PTPRD: variants seen among roughly 807,000 people sequenced by gnomAD.
The protein encoded by PTPRD is receptor-type tyrosine-protein phosphatase delta.
PTPRD carries 34 observed loss-of-function variants against 214.5 expected under a neutral mutation model. That is an observed-to-expected ratio of 0.16 (90% CI 0.12 to 0.21). The LOEUF is 0.21. Among genes scored for constraint, PTPRD ranks in the 10% least tolerant of loss-of-function variants. The pLI is 1.00. For synonymous variants in PTPRD, 1,128 were observed against 845.7 expected (o/e 1.33, Z -5.79); for missense variants, 2,545 against 2,398.7 (o/e 1.06, Z -1.27).
chr9:9,142,481 C>T (rs1468195285), intron 10 of PTPRD, among the ~76,000 whole-genome samples: 1 of 152,222 alleles, frequency 6.6e-6, no homozygotes, highest in South Asian at 2.1e-4. Context: ...AATTAATTTA[C>T]TCCTTTGGCG....
intron 2 of PTPRD, among the ~76,000 whole-genome samples, chr9:10,363,027 G>C (rs1377905222): frequency 6.6e-6 from 1 of 152,174 alleles, no homozygotes; most frequent in Non-Finnish European, 1.5e-5. Flanking sequence ...GTTTATATCA[G>C]AAATTCAGTG....
rs568209533 is a variant in PTPRD, at chr9:8,425,610, C to T, written c.4086+10982G>A. Among the ~76,000 whole-genome samples the T allele has an allele frequency of 1.1e-4, 17 of 152,264 alleles. No homozygotes were observed. The South Asian group carries it at 3.3e-3, about 30-fold the overall frequency. On this transcript the variant is annotated intron_variant, in intron 35 of 45. Coordinates refer to ENST00000381196, the MANE Select transcript of PTPRD (RefSeq NM_002839.4). ...GTCATGGGTACTCTGGGAAGACTCT[C>T]GTCAATATTGTCCCACTCCCAAGAT... is the stretch of plus-strand genomic sequence containing the variant.
intron 11 of PTPRD, among the ~76,000 whole-genome samples, chr9:8,928,974 A>T (rs533996832): frequency 2.0e-5 from 3 of 152,140 alleles, no homozygotes; most frequent in Non-Finnish European, 4.4e-5. Flanking sequence ...GAGTTCACTC[A>T]TGATTTGACT....
intron 3 of PTPRD, among the ~76,000 whole-genome samples, chr9:10,215,300 C>A (rs896614671): frequency 6.6e-6 from 1 of 151,606 alleles, no homozygotes; most frequent in Non-Finnish European, 1.5e-5. Flanking sequence ...CAAAGCTCTT[C>A]TAGGAATAAA....
At chr9:10,130,325 A>AT (rs906562223) in intron 3 of PTPRD, among the ~76,000 whole-genome samples, 5 of 151,874 alleles carry the variant, frequency 3.3e-5, no homozygotes, top group South Asian at 2.1e-4. Flanking sequence ...ATAACATACC[A>AT]TTTTTTTCTG....
chr9:9,917,527 C>G (rs931808204), intron 5 of PTPRD, among the ~76,000 whole-genome samples: 3 of 148,798 alleles, frequency 2.0e-5, no homozygotes, highest in Admixed American at 2.0e-4. Context: ...GAGTTAACAC[C>G]AATTCTTTTC....
At chr9:8,790,498 A>C (rs1266453452) in intron 11 of PTPRD, among the ~76,000 whole-genome samples, 1 of 151,510 alleles carries the variant, frequency 6.6e-6, no homozygotes, top group Non-Finnish European at 1.5e-5. Flanking sequence ...GCTCACTGTA[A>C]CCGCCGCCTC....
intron 3 of PTPRD, among the ~76,000 whole-genome samples, chr9:10,056,608 C>T (rs2097653947): frequency 6.6e-6 from 1 of 152,114 alleles, no homozygotes; most frequent in African/African-American, 2.4e-5. Context: ...GGAACAATAT[C>T]CATCTTTGCA....
At chr9:10,568,678 T>A (rs915494326) in intron 2 of PTPRD, among the ~76,000 whole-genome samples, 1 of 152,150 alleles carries the variant, frequency 6.6e-6, no homozygotes, top group African/African-American at 2.4e-5. Flanking sequence ...GGGAAAGGAT[T>A]CCCTATTTAA....
At chr9:8,918,933 A>G (rs1450950018) in intron 11 of PTPRD, among the ~76,000 whole-genome samples, 1 of 152,158 alleles carries the variant, frequency 6.6e-6, no homozygotes, top group Non-Finnish European at 1.5e-5. Context: ...ATGGTCTGTT[A>G]ACAAACCTCA....
Position 10,060,905 on chromosome 9 carries a change from T to C in PTPRD, c.-544-27115A>G, listed in dbSNP as rs10958858. On this transcript the variant is annotated intron_variant, in intron 3 of 45. Coordinates refer to ENST00000381196, the MANE Select transcript of PTPRD (RefSeq NM_002839.4). Reference sequence around the variant, plus strand: ...CCTTCCTTCCTTCCTTCCTTCTTTCTTTCTTTCTTTCTTTCTTTCTTTCTT... The same window carrying C: ...CCTTCCTTCCTTCCTTCCTTCTTTCCTTCTTTCTTTCTTTCTTTCTTTCTT... Among the ~76,000 whole-genome samples the C allele has an allele frequency of 2.5e-3, 162 of 63,926 alleles. 2 individuals carry two copies. Among genetic ancestry groups the C allele is most frequent in the East Asian group, 3.8e-3 (11 of 2,908 alleles). The allele number at this position is 63,926 out of a possible 152,430, so 41.9% of individuals were successfully genotyped here. A position where few individuals can be genotyped will look rare whatever the true frequency, so the allele number is the denominator to read the frequency against.
At chr9:9,714,452 A>G (rs1016860514) in intron 7 of PTPRD, among the ~76,000 whole-genome samples, 1 of 152,198 alleles carries the variant, frequency 6.6e-6, no homozygotes, top group East Asian at 1.9e-4. Flanking sequence ...TTTGGCATAC[A>G]CATATACAAA....
At chr9:9,395,912 G>C (rs10118118) in intron 9 of PTPRD, among the ~76,000 whole-genome samples, 11,778 of 152,142 alleles carry the variant, frequency 0.077, 650 homozygotes, top group Non-Finnish European at 0.12. Context: ...TCGGACTATT[G>C]CAAAGTGATA....
rs75810769 is a variant in PTPRD, at chr9:8,769,060, C to T, written c.-103-35114G>A. On this transcript the variant is annotated intron_variant, in intron 11 of 45. Transcript: ENST00000381196. ...CACCTAATTCTGTGTGTTAGCATAA[C>T]GCCAACTTTTGTCAATGATTTATGA... Among the ~76,000 whole-genome samples, 39 of 152,236 alleles carry T rather than the reference C, an allele frequency of 2.6e-4. No individual in the cohort carries two copies. The East Asian group carries it at 6.0e-3, about 23-fold the overall frequency.
intron 11 of PTPRD, among the ~76,000 whole-genome samples, chr9:8,837,133 CT>C (rs1359547657): frequency 6.7e-6 from 1 of 150,120 alleles, no homozygotes; most frequent in Non-Finnish European, 1.5e-5. Flanking sequence ...TCAAGTGATT[CT>C]CCTGCCTTAG....
chr9:8,527,461 T>C (rs2074484162), intron 15 of PTPRD, 108 bp from the exon 16 acceptor site: 3 of 935,650 alleles, frequency 3.2e-6, no homozygotes, highest in South Asian at 1.5e-5. Flanking sequence ...CTAAATCATC[T>C]ATGTTACATG....
intron 2 of PTPRD, among the ~76,000 whole-genome samples, chr9:10,418,874 T>G (rs1380182569): frequency 1.3e-5 from 2 of 151,878 alleles, no homozygotes; most frequent in African/African-American, 4.8e-5. Context: ...AGTGATTTCC[T>G]GTTTCACTTT....
intron 3 of PTPRD, among the ~76,000 whole-genome samples, chr9:10,204,621 GTGTATAACTATGACA>G (rs1230271615): frequency 1.3e-5 from 2 of 152,094 alleles, no homozygotes; most frequent in Non-Finnish European, 2.9e-5. Flanking sequence ...GCTTAGTAAT[GTGTATAACTATGACA>G]AAGGCAGTAT....
In PTPRD at chr9:9,900,641, G is replaced by GTTTTTTTTTTTGTTTTTTT. The variant is rs367877727; in HGVS notation, c.-368+37865_-368+37866insAAAAAAACAAAAAAAAAAA. 5.2e-3 allele frequency among the ~76,000 whole-genome samples: 620 copies of GTTTTTTTTTTTGTTTTTTT among 120,020 alleles called. 32 individuals carry two copies. Among genetic ancestry groups the GTTTTTTTTTTTGTTTTTTT allele is most frequent in the African/African-American group, 0.016 (498 of 32,050 alleles). The allele number at this position is 120,020 out of a possible 152,430, so 78.7% of individuals were successfully genotyped here. A position where few individuals can be genotyped will look rare whatever the true frequency, so the allele number is the denominator to read the frequency against. On this transcript the variant is annotated intron_variant, in intron 5 of 45. Coordinates refer to ENST00000381196, the MANE Select transcript of PTPRD (RefSeq NM_002839.4). Reference sequence around the variant, plus strand: ...TCCAAAGGTGCTTCCACATTTTCAGGTTTTTTTTTTTTTTGAGATGGAGTC... The same window carrying GTTTTTTTTTTTGTTTTTTT: ...TCCAAAGGTGCTTCCACATTTTCAGGTTTTTTTTTTTGTTTTTTTTTTTTTTTTTTTTTGAGATGGAGTC...
Sources: allele counts gnomAD v4.1 joint callset (sites outside exome capture counted in the v4.1 genomes callset), GRCh38; gene constraint gnomAD v4.1.1; transcripts MANE v1.5; gene names NCBI Gene and HGNC (gene_info 2026-07-23, HGNC 2026-07-21).